The following DDX39A variants were observed in gnomAD, a reference collection of about 807,000 sequenced individuals.
The protein encoded by DDX39A is ATP-dependent RNA helicase DDX39A.
In DDX39A, 13 loss-of-function variants were observed where a neutral mutation model predicts 46.3. The observed-to-expected ratio is 0.28, with a 90% confidence interval of 0.18 to 0.45. The LOEUF is 0.45. Among genes scored for constraint, DDX39A ranks in the 20% least tolerant of loss-of-function variants. DDX39A has a pLI of 1.00. For missense variants in DDX39A, 352 were observed against 581.8 expected (o/e 0.61, Z 4.06); for synonymous variants, 234 against 224.6 (o/e 1.04, Z -0.38).
At chr19:14,414,451 C>G (rs1371263854) in intron 1 of DDX39A, among the ~76,000 whole-genome samples, 3 of 149,600 alleles carry the variant, frequency 2.0e-5, no homozygotes, top group African/African-American at 7.3e-5. Context: ...CTCCAGGGTT[C>G]AAGATTCTCC....
At chr19:14,417,701 A>T (rs560368509) in intron 1 of DDX39A, among the ~76,000 whole-genome samples, 3 of 152,090 alleles carry the variant, frequency 2.0e-5, no homozygotes, top group South Asian at 2.1e-4. Context: ...AGTAGAAATT[A>T]AAAAAAGAAA....
chr19:14,418,846 G>A, intron 1 of DDX39A: 1 of 452,130 alleles, frequency 2.2e-6, no homozygotes, highest in South Asian at 1.6e-5. Flanking sequence ...CTGGGAAAGG[G>A]ATCAAGTCCC....
rs1976531483 is a variant in DDX39A, at chr19:14,410,429, G to A, written c.614-95C>T. The A allele has an allele frequency of 1.6e-5, 17 of 1,067,434 alleles. No individual in the cohort carries two copies. The highest frequency in any genetic ancestry group is 3.5e-5 in the Admixed American group (2 of 56,972). 66.1% of individuals were successfully genotyped at this position (1,067,434 alleles called of 1,614,324 possible). A position where few individuals can be genotyped will look rare whatever the true frequency, so the allele number is the denominator to read the frequency against. On this transcript the variant is annotated intron_variant, in intron 5 of 10. Coordinates refer to ENST00000242776, the MANE Select transcript of DDX39A (RefSeq NM_005804.4). The surrounding 1 kb of genome is among the most constrained non-coding windows in gnomAD (Gnocchi z 4.3). ...CCCAGACCCCTCCCAACCTGTGCCA[G>A]GGAGCCAGTGGCACCGTGACGAGGG...
rs369555390 is a variant in DDX39A, at chr19:14,412,557, G to A, written c.330C>T (p.Asn110=). ...AAGGGAGGAGCCCACCCACCTGTCC[G>A]TTGACAGGCTCAATCTGCTGTAGGG... The part of the protein sequence containing the change: ...LATLQQIEPV[N]GQVTVLVMCH... Residue 110 remains asparagine, a synonymous_variant, in exon 3 of 11, where the codon AAC becomes AAT. Transcript: ENST00000242776. This position sits in a 1 kb window ranked among gnomAD's most constrained non-coding sequence, Gnocchi z 4.4. 21 of 1,607,818 alleles carry A rather than the reference G, an allele frequency of 1.3e-5. No individual in the cohort carries two copies. Among genetic ancestry groups the A allele is most frequent in the East Asian group, 2.2e-5 (1 of 44,884 alleles).
Position 14,409,610 on chromosome 19 carries a change from C to A in DDX39A, c.900G>T (p.Met300Ile), listed in dbSNP as rs1256384922. 6.2e-7 allele frequency: 1 copy of A among 1,612,106 alleles called. No individual in the cohort carries two copies. The highest frequency in any genetic ancestry group is 1.1e-5 in the South Asian group (1 of 91,002). ...IIFVKSVQRC[M>I]ALAQLLVEQN... ...GCTCCACGAGGAGCTGGGCCAGGGC[C>A]ATGCAGCGCTGCACTGACTTGACGA... The change falls in exon 8 of 11, where the codon ATG becomes ATT. Residue 300 changes from methionine to isoleucine, a missense_variant. Physicochemically the swap from Met to Ile is conservative, Grantham distance 10 (BLOSUM62 1). Transcript: ENST00000242776. This position sits in a 1 kb window ranked among gnomAD's most constrained non-coding sequence, Gnocchi z 8.3.
chr19:14,410,216 A>C lies in DDX39A; in HGVS notation c.732T>G (p.Asp244Glu). ...AAGCTGCCACTCTCGCCCTACTCAC[A>C]TCCTGCATGAACTTCCTGCACACAG... ...IRPVCRKFMQ[D>E]PMEVFVDDET... Residue 244 changes from aspartate (D) to glutamate (E), a missense_variant and splice_region_variant, in exon 6 of 11, where the codon GAT (aspartate) becomes GAG (glutamate). Physicochemically the swap from Asp to Glu is conservative, Grantham distance 45. Transcript: ENST00000242776. The surrounding 1 kb of genome is among the most constrained non-coding windows in gnomAD (Gnocchi z 4.3). 6.2e-7 allele frequency: 1 copy of C among 1,613,724 alleles called. No homozygotes were observed. Among genetic ancestry groups the C allele is most frequent in the Non-Finnish European group, 8.5e-7 (1 of 1,179,740 alleles).
intron 1 of DDX39A, among the ~76,000 whole-genome samples, chr19:14,418,231 C>G (rs1287446906): frequency 6.6e-6 from 1 of 150,696 alleles, no homozygotes; most frequent in East Asian, 2.0e-4. Flanking sequence ...ATCTAAAGCT[C>G]AAAACTGATT....
Position 14,410,081 on chromosome 19 carries a change from GAGGGGAGGAA to G in DDX39A, c.732+125_732+134del. 3 of 1,035,496 alleles carry G rather than the reference GAGGGGAGGAA, an allele frequency of 2.9e-6. No homozygotes were observed. The highest frequency in any genetic ancestry group is 4.5e-6 in the Non-Finnish European group (3 of 670,794). The allele number at this position is 1,035,496 out of a possible 1,614,324, so 64.1% of individuals were successfully genotyped here. On this transcript the variant is annotated intron_variant, in intron 6 of 10. Transcript: ENST00000242776. This position sits in a 1 kb window ranked among gnomAD's most constrained non-coding sequence, Gnocchi z 4.3. The stretch of plus-strand genomic sequence containing the variant: ...GCTTGACTCCCAGTTTGACAAGACC[GAGGGGAGGAA>G]AGGAGGCTCCGCCGGCTCCCAGCAT...
At chr19:14,414,330 TA>T (rs1450649281) in intron 1 of DDX39A, among the ~76,000 whole-genome samples, 10 of 64,852 alleles carry the variant, frequency 1.5e-4, no homozygotes, top group African/African-American at 7.7e-4. Flanking sequence ...CCTGTTTTAT[TA>T]TTATTATTAT....
chr19:14,417,516 A>G (rs1976858372), intron 1 of DDX39A, among the ~76,000 whole-genome samples: 2 of 151,110 alleles, frequency 1.3e-5, no homozygotes, highest in Non-Finnish European at 3.0e-5. Context: ...GGACAGCATT[A>G]GGAGATATAC....
At position 14,411,109 on chromosome 19, in the gene DDX39A, G is replaced by A. The variant is rs1976570475; in HGVS notation, c.493C>T (p.Pro165Ser). The A allele has an allele frequency of 6.2e-7, 1 of 1,611,354 alleles. No homozygotes were observed. Among genetic ancestry groups the A allele is most frequent in the South Asian group, 1.1e-5 (1 of 90,836 alleles). ...KDEEVLKKNC[P>S]HVVVGTPGRI... ...CCCGGGGTCCCCACCACGACATGGG[G>A]ACAGTTCTTCTTCAACACTTCTTCA... The change falls in exon 5 of 11, where the codon CCC becomes TCC. Residue 165 changes from proline to serine, a missense_variant. This residue lies in a region of DDX39A where 301 missense variants were observed against 469.9 expected (regional missense o/e 0.64). Transcript: ENST00000242776. This position sits in a 1 kb window ranked among gnomAD's most constrained non-coding sequence, Gnocchi z 4.1.
intron 1 of DDX39A, among the ~76,000 whole-genome samples, chr19:14,416,658 G>A (rs1448020327): frequency 6.6e-6 from 1 of 152,166 alleles, no homozygotes; most frequent in Non-Finnish European, 1.5e-5. Context: ...GGAAGAGCTG[G>A]TCAGCCACAC....
chr19:14,413,160 CCTGGGG>C lies in DDX39A; in HGVS notation c.55_60del (p.Pro19_Gln20del). 6.2e-7 allele frequency: 1 copy of C among 1,614,050 alleles called. No homozygotes were observed. Among genetic ancestry groups the C allele is most frequent in the Non-Finnish European group, 8.5e-7 (1 of 1,179,986 alleles). On this transcript the variant is annotated inframe_deletion, in exon 2 of 11. Coordinates refer to ENST00000242776, the MANE Select transcript of DDX39A (RefSeq NM_005804.4). ...GGAGCTGGTGTGCTCTCTTGAGGAG[CCTGGGG>C]CTCTTCCTCTTCATCGTAATCCAAA...
In DDX39A at chr19:14,409,413, G is replaced by A. The variant is rs748432095; in HGVS notation, c.1009C>T (p.Arg337Trp). The A allele has an allele frequency of 6.8e-6, 11 of 1,614,192 alleles. No individual in the cohort carries two copies. The highest frequency in any genetic ancestry group is 1.3e-5 in the African/African-American group (1 of 75,064). The change falls in exon 9 of 11, where the codon CGG becomes TGG. Residue 337 changes from arginine (R) to tryptophan (W), a missense_variant. Physicochemically the swap from Arg to Trp is moderately radical, Grantham distance 101. This residue lies in a region of DDX39A where 301 missense variants were observed against 469.9 expected (regional missense o/e 0.64). Coordinates refer to ENST00000242776, the MANE Select transcript of DDX39A (RefSeq NM_005804.4). This position sits in a 1 kb window ranked among gnomAD's most constrained non-coding sequence, Gnocchi z 8.3. Reference protein sequence around the residue: ...SRYQQFKDFQRRILVATNLFG... With the variant: ...SRYQQFKDFQWRILVATNLFG... ...AGATTGGTGGCCACCAGGATCCGCC[G>A]CTGGAAATCCTTGAACTGCTGATAG...
At position 14,409,378 on chromosome 19, in the gene DDX39A, C is replaced by T. The variant is rs749406314; in HGVS notation, c.1044G>A (p.Arg348=). The part of the protein sequence containing the change: ...RILVATNLFG[R]GMDIERVNIV... ...TGTTGACTCGCTCGATGTCCATCCC[C>T]CGGCCAAACAGATTGGTGGCCACCA... The change falls in exon 9 of 11, where the codon CGG becomes CGA. Residue 348 remains arginine, a synonymous_variant. Transcript: ENST00000242776. This position sits in a 1 kb window ranked among gnomAD's most constrained non-coding sequence, Gnocchi z 8.3. 4.3e-6 allele frequency: 7 copies of T among 1,614,098 alleles called. No homozygotes were observed. The Admixed American group carries it at 1.2e-4, about 27-fold the overall frequency.
intron 1 of DDX39A, among the ~76,000 whole-genome samples, chr19:14,416,974 A>G (rs1976834230): frequency 6.6e-6 from 1 of 152,024 alleles, no homozygotes; most frequent in Non-Finnish European, 1.5e-5. Context: ...TGAGCCACCC[A>G]CCACGCCCAG....
Position 14,410,047 on chromosome 19 carries a change from G to T in DDX39A, c.732+169C>A. On this transcript the variant is annotated intron_variant, in intron 6 of 10. Transcript: ENST00000242776. This position sits in a 1 kb window ranked among gnomAD's most constrained non-coding sequence, Gnocchi z 4.3. ...ATGTAAGCTCTGGCCCGACTCAGGT[G>T]TGGACCAAGCTTGACTCCCAGTTTG... 1 of 1,070,172 alleles carries T rather than the reference G, an allele frequency of 9.3e-7. No individual in the cohort carries two copies. Among genetic ancestry groups the T allele is most frequent in the Non-Finnish European group, 1.4e-6 (1 of 703,684 alleles). The allele number at this position is 1,070,172 out of a possible 1,614,324, so 66.3% of individuals were successfully genotyped here. A position where few individuals can be genotyped will look rare whatever the true frequency, so the allele number is the denominator to read the frequency against.
Position 14,412,053 on chromosome 19 carries a change from G to A in DDX39A, c.337-455C>T, listed in dbSNP as rs139365798. Among the ~76,000 whole-genome samples, 103 of 152,284 alleles carry A rather than the reference G, an allele frequency of 6.8e-4. 1 individual carries two copies. The highest frequency in any genetic ancestry group is 2.5e-3 in the African/African-American group (103 of 41,556). On this transcript the variant is annotated intron_variant, in intron 3 of 10. Transcript: ENST00000242776. This position sits in a 1 kb window ranked among gnomAD's most constrained non-coding sequence, Gnocchi z 4.4. ...ACGAGGGCACGGGCGCCAATATGAA[G>A]CCCAAAGATGTGCACCTGGCCTGAC...
At position 14,410,786 on chromosome 19, in the gene DDX39A, G is replaced by C. The variant is rs1568326269; in HGVS notation, c.613+203C>G. The stretch of plus-strand genomic sequence containing the variant: ...CATGCCTTTACGTCCAGGAGGGACG[G>C]GGGCTTGCTTGGGCCCCGTGGTCCC... On this transcript the variant is annotated intron_variant, in intron 5 of 10. Coordinates refer to ENST00000242776, the MANE Select transcript of DDX39A (RefSeq NM_005804.4). The surrounding 1 kb of genome is among the most constrained non-coding windows in gnomAD (Gnocchi z 4.3). The C allele has an allele frequency of 1.8e-6, 1 of 556,944 alleles. No homozygotes were observed. The highest frequency in any genetic ancestry group is 2.5e-5 in the South Asian group (1 of 40,016). 34.5% of individuals were successfully genotyped at this position (556,944 alleles called of 1,614,324 possible). A position where few individuals can be genotyped will look rare whatever the true frequency, so the allele number is the denominator to read the frequency against.
Sources: gnomAD v4.1 joint callset for allele counts (sites outside exome capture counted in the v4.1 genomes callset) on GRCh38, gnomAD v4.1.1 for gene constraint, gnomAD v4.1.1 regional missense constraint, Gnocchi (gnomAD v3.1) non-coding constraint, MANE v1.5 for transcripts, NCBI Gene and HGNC (gene_info 2026-07-23, HGNC 2026-07-21) for gene names.